Variants in IGFBP7 observed in about 807,000 individuals in gnomAD.
IGFBP7 encodes the protein insulin like growth factor binding protein 7, also known as insulin-like growth factor-binding protein 7.
Under a neutral mutation model 29.4 loss-of-function variants are expected in IGFBP7, and 31 were observed. The observed-to-expected ratio is 1.05, with a 90% CI of 0.79 to 1.42. The LOEUF (loss-of-function observed/expected upper bound fraction) is 1.42. IGFBP7 is among the 40% of genes most tolerant of loss of function. IGFBP7 has a pLI of 0.00. For missense variants in IGFBP7, 393 were observed against 395.5 expected, an observed-to-expected ratio of 0.99 and a Z score of 0.05; for synonymous variants, 172 against 174.9, an observed-to-expected ratio of 0.98 and a Z score of 0.13.
intron 2 of IGFBP7, among the ~76,000 whole-genome samples, chr4:57,039,460 A>G (rs1218424995): frequency 2.6e-5 from 4 of 152,060 alleles, no homozygotes; most frequent in Non-Finnish European, 5.9e-5. Context: ...TTCTCACGAC[A>G]GGGGGGATGG....
chr4:57,034,383 T>C (rs1724030572), intron 2 of IGFBP7, among the ~76,000 whole-genome samples: 2 of 152,224 alleles, frequency 1.3e-5, no homozygotes, highest in South Asian at 2.1e-4. Context: ...GAATTGTTTG[T>C]TCATTCCATC....
intron 1 of IGFBP7, among the ~76,000 whole-genome samples, chr4:57,054,526 C>CAA (rs1202649130): frequency 6.6e-6 from 1 of 151,334 alleles, no homozygotes; most frequent in Non-Finnish European, 1.5e-5. Context: ...GTAGTCCCAG[C>CAA]TACTTGGAAG....
intron 1 of IGFBP7, among the ~76,000 whole-genome samples, chr4:57,080,988 G>A (rs1195204922): frequency 1.3e-5 from 2 of 152,272 alleles, no homozygotes; most frequent in South Asian, 2.1e-4. Context: ...GAATGTCTCC[G>A]GTGGGCTGAG....
chr4:57,095,020 T>C (rs1725728448), intron 1 of IGFBP7, among the ~76,000 whole-genome samples: 1 of 152,234 alleles, frequency 6.6e-6, no homozygotes, highest in African/African-American at 2.4e-5. Flanking sequence ...TCTTTTTGTA[T>C]TTTTGTGCTT....
In IGFBP7 at chr4:57,102,453, T is replaced by C. The variant is rs182532959; in HGVS notation, c.475+7424A>G. Among the ~76,000 whole-genome samples the C allele has an allele frequency of 3.9e-3, 594 of 150,940 alleles. 3 individuals are homozygous for C. Among genetic ancestry groups the C allele is most frequent in the African/African-American group, 0.014 (574 of 41,024 alleles). On this transcript the variant is annotated intron_variant, in intron 1 of 4. Coordinates refer to ENST00000295666, the MANE Select transcript of IGFBP7 (RefSeq NM_001553.3). The stretch of plus-strand genomic sequence containing the variant: ...TATTTCTCAGCTCTCCTAAAGAGAG[T>C]CTCCTGACTTCTGCCTGAACACGGT...
chr4:57,060,328 A>G (rs916685051), intron 1 of IGFBP7, among the ~76,000 whole-genome samples: 2 of 152,116 alleles, frequency 1.3e-5, no homozygotes, highest in African/African-American at 4.8e-5. Flanking sequence ...CACCAGATCA[A>G]CTCAAAGTTA....
chr4:57,055,605 C>T (rs1724642969), intron 1 of IGFBP7, among the ~76,000 whole-genome samples: 1 of 151,612 alleles, frequency 6.6e-6, no homozygotes, highest in South Asian at 2.1e-4. Context: ...ACACCAGCAC[C>T]GCCACCACTT....
At chr4:57,035,010 A>G (rs1419775345) in intron 2 of IGFBP7, among the ~76,000 whole-genome samples, 1 of 152,242 alleles carries the variant, frequency 6.6e-6, no homozygotes, top group Non-Finnish European at 1.5e-5. Context: ...ATATTTTGGT[A>G]GAAGTATTAA....
At chr4:57,078,810 A>G (rs145342060) in intron 1 of IGFBP7, among the ~76,000 whole-genome samples, 1 of 151,208 alleles carries the variant, frequency 6.6e-6, no homozygotes, top group East Asian at 2.0e-4. Flanking sequence ...CATTTCAGAA[A>G]TGCACATGGA....
intron 1 of IGFBP7, among the ~76,000 whole-genome samples, chr4:57,107,933 T>C (rs1036938314): frequency 6.6e-6 from 1 of 152,166 alleles, no homozygotes; most frequent in South Asian, 2.1e-4. Context: ...AAACTAGAAA[T>C]TGACAACACT....
At chr4:57,088,521 G>A (rs1578644705) in intron 1 of IGFBP7, among the ~76,000 whole-genome samples, 1 of 152,146 alleles carries the variant, frequency 6.6e-6, no homozygotes, top group East Asian at 1.9e-4. Context: ...GAAAAAGAGG[G>A]AAGAATGAAG....
intron 1 of IGFBP7, among the ~76,000 whole-genome samples, chr4:57,108,566 G>A (rs1726093330): frequency 6.6e-6 from 1 of 151,230 alleles, no homozygotes; most frequent in Non-Finnish European, 1.5e-5. Context: ...TTTTGAGATG[G>A]GGTCTCTGTC....
At chr4:57,084,730 T>C (rs1457973413) in intron 1 of IGFBP7, among the ~76,000 whole-genome samples, 2 of 151,362 alleles carry the variant, frequency 1.3e-5, no homozygotes, top group African/African-American at 4.8e-5. Flanking sequence ...GATCTGATGA[T>C]AATGTAATCT....
chr4:57,052,633 C>T (rs561769275), intron 1 of IGFBP7, among the ~76,000 whole-genome samples: 28 of 152,212 alleles, frequency 1.8e-4, no homozygotes, highest in South Asian at 1.0e-3. Context: ...GTGAATAGCA[C>T]GGCCTTGCTT....
At chr4:57,100,145 C>T (rs1187600133) in intron 1 of IGFBP7, among the ~76,000 whole-genome samples, 1 of 150,416 alleles carries the variant, frequency 6.6e-6, no homozygotes, top group Non-Finnish European at 1.5e-5. Context: ...ATCATAGCCT[C>T]CTGCAGCCTT....
intron 1 of IGFBP7, among the ~76,000 whole-genome samples, chr4:57,069,059 G>A (rs1179279114): frequency 1.3e-5 from 2 of 152,182 alleles, no homozygotes; most frequent in Non-Finnish European, 1.5e-5. Context: ...AGGGTCTTAT[G>A]TGGGTGGTTG....
chr4:57,064,909 TA>T lies in IGFBP7; in HGVS notation c.476-23977del, dbSNP rs1465911811. Among the ~76,000 whole-genome samples the T allele has an allele frequency of 2.0e-5, 3 of 152,240 alleles. No individual in the cohort carries two copies. In the East Asian group the frequency reaches 5.8e-4, roughly 29 times the overall value. The stretch of plus-strand genomic sequence containing the variant: ...GGCTACCATGGAAACAGTGCGAAGC[TA>T]AGAGATTAGGAAGGTGCTGAGGAAA... On this transcript the variant is annotated intron_variant, in intron 1 of 4. Transcript: ENST00000295666.
rs371323776 is a variant in IGFBP7, at chr4:57,091,639, C to A, written c.475+18238G>T. Among the ~76,000 whole-genome samples the A allele has an allele frequency of 8.5e-5, 13 of 152,312 alleles. No individual in the cohort carries two copies. The East Asian group carries it at 2.5e-3, about 29-fold the overall frequency. Reference sequence around the variant, plus strand: ...GCTGTTACTGTTCCTATCTCCCAGTCGAATACGGGAATAATTCTGCCTGAA... The same window carrying A: ...GCTGTTACTGTTCCTATCTCCCAGTAGAATACGGGAATAATTCTGCCTGAA... On this transcript the variant is annotated intron_variant, in intron 1 of 4. Coordinates refer to ENST00000295666, the MANE Select transcript of IGFBP7 (RefSeq NM_001553.3).
At chr4:57,098,849 T>C (rs1725827632) in intron 1 of IGFBP7, among the ~76,000 whole-genome samples, 1 of 152,188 alleles carries the variant, frequency 6.6e-6, no homozygotes, top group African/African-American at 2.4e-5. Flanking sequence ...AAATTCACTT[T>C]TGGAGTTCTG....
Sources: gnomAD v4.1 joint callset for allele counts (sites outside exome capture counted in the v4.1 genomes callset) on GRCh38, gnomAD v4.1.1 for gene constraint, MANE v1.5 for transcripts, NCBI Gene and HGNC (gene_info 2026-07-23, HGNC 2026-07-21) for gene names.